Variants in TNFAIP8L2 observed in about 807,000 individuals in gnomAD.
TNFAIP8L2 encodes the protein tumor necrosis factor alpha-induced protein 8-like protein 2.
In TNFAIP8L2, 2 loss-of-function variants were observed where a neutral mutation model predicts 5.6. That is an observed-to-expected ratio of 0.36 (90% CI 0.15 to 1.13). TNFAIP8L2 has a LOEUF of 1.13. TNFAIP8L2 is among the 50% of genes most tolerant of loss of function. TNFAIP8L2 has a pLI of 0.40. For synonymous variants in TNFAIP8L2, 91 were observed against 101.1 expected, an observed-to-expected ratio of 0.90 and a Z score of 0.60; for missense variants, 216 against 241.8, an observed-to-expected ratio of 0.89 and a Z score of 0.71.
At chr1:151,157,204 G>A (rs587623542) in intron 1 of TNFAIP8L2, among the ~76,000 whole-genome samples, 1 of 152,276 alleles carries the variant, frequency 6.6e-6, no homozygotes, top group Admixed American at 6.5e-5. Flanking sequence ...TTCCGGCTGG[G>A]GAGCATGGTC....
chr1:151,159,133 G>T lies in TNFAIP8L2; in HGVS notation c.436G>T (p.Val146Leu), dbSNP rs182411769. 6 of 1,614,184 alleles carry T rather than the reference G, an allele frequency of 3.7e-6. No individual in the cohort carries two copies. In the East Asian group the frequency reaches 1.3e-4, roughly 36 times the overall value. ...CAAGTCACATGGCCGCATCCGCCACGTGTTTGATCACTTCTCTGACCCAGG... is the reference window on the plus strand; with the variant it reads ...CAAGTCACATGGCCGCATCCGCCACTTGTTTGATCACTTCTCTGACCCAGG... ...TPKSHGRIRH[V>L]FDHFSDPGLL... Residue 146 changes from valine (V) to leucine (L), a missense_variant, in exon 2 of 2, where the codon GTG (valine) becomes TTG (leucine). Coordinates refer to ENST00000368910, the MANE Select transcript of TNFAIP8L2 (RefSeq NM_024575.5).
rs994690236 is a variant in TNFAIP8L2 at position 151,158,772 on chromosome 1, T to C, written c.75T>C (p.Ser25=). The C allele has an allele frequency of 6.2e-7, 1 of 1,614,058 alleles. No individual in the cohort carries two copies. Among genetic ancestry groups the C allele is most frequent in the Non-Finnish European group, 8.5e-7 (1 of 1,179,970 alleles). Residue 25 remains serine, a synonymous_variant, in exon 2 of 2, where the codon TCT becomes TCC. Transcript: ENST00000368910. ...KKLLSKMAGR[S]VAHLFIDETS... ...TACTGAGTAAGATGGCGGGTCGCTCTGTGGCTCATCTCTTCATAGATGAGA... is the reference window on the plus strand; with the variant it reads ...TACTGAGTAAGATGGCGGGTCGCTCCGTGGCTCATCTCTTCATAGATGAGA...
At position 151,159,144 on chromosome 1, in the gene TNFAIP8L2, C is replaced by T; in HGVS notation, c.447C>T (p.His149=). 6.2e-7 allele frequency: 1 copy of T among 1,614,228 alleles called. No individual in the cohort carries two copies. The highest frequency in any genetic ancestry group is 8.5e-7 in the Non-Finnish European group (1 of 1,180,042). The change falls in exon 2 of 2, where the codon CAC becomes CAT. Residue 149 remains histidine (H), a synonymous_variant. Transcript: ENST00000368910. ...SHGRIRHVFD[H]FSDPGLLTAL... ...GCCGCATCCGCCACGTGTTTGATCA[C>T]TTCTCTGACCCAGGTCTGCTCACGG...
Position 151,158,762 on chromosome 1 carries a change from C to G in TNFAIP8L2, c.65C>G (p.Ala22Gly). The G allele has an allele frequency of 6.2e-7, 1 of 1,613,614 alleles. No individual in the cohort carries two copies. Among genetic ancestry groups the G allele is most frequent in the Admixed American group, 1.7e-5 (1 of 59,950 alleles). The change falls in exon 2 of 2, where the codon GCG becomes GGG. Residue 22 changes from alanine to glycine, a missense_variant. Coordinates refer to ENST00000368910, the MANE Select transcript of TNFAIP8L2 (RefSeq NM_024575.5). ...GAGAAGAAGCTACTGAGTAAGATGG[C>G]GGGTCGCTCTGTGGCTCATCTCTTC... ...QAEKKLLSKM[A>G]GRSVAHLFID...
intron 1 of TNFAIP8L2, among the ~76,000 whole-genome samples, chr1:151,158,459 G>A (rs1052023405): frequency 3.9e-5 from 6 of 151,920 alleles, no homozygotes; most frequent in African/African-American, 9.7e-5. Context: ...CGGGGCTATC[G>A]CCACTCCCGT....
rs1248216951 is a variant in TNFAIP8L2 at position 151,156,717 on chromosome 1, CA to C, written c.-37del. ...TCCAAGGCAAGACTGGCACCCAGCA[CA>C]GCAGGTGAGGGACCGGCAGTGACAG... On this transcript the variant is annotated 5_prime_UTR_variant, in exon 1 of 2. Transcript: ENST00000368910. 3 of 152,270 alleles carry C rather than the reference CA, an allele frequency of 2.0e-5. No homozygotes were observed. Among genetic ancestry groups the C allele is most frequent in the Admixed American group, 2.0e-4 (3 of 15,280 alleles). The allele number at this position is 152,270 out of a possible 1,614,324, so 9.4% of individuals were successfully genotyped here.
intron 1 of TNFAIP8L2, among the ~76,000 whole-genome samples, chr1:151,158,268 AAC>A (rs1683295618): frequency 6.6e-6 from 1 of 151,782 alleles, no homozygotes; most frequent in Admixed American, 6.6e-5. Context: ...GGTTGCAGTG[AAC>A]AGAGATCACA....
rs142224661 is a variant in TNFAIP8L2 at position 151,159,237 on chromosome 1, C to T, written c.540C>T (p.Asp180=). The change falls in exon 2 of 2, where the codon GAC becomes GAT. Residue 180 remains aspartate, a synonymous_variant. Coordinates refer to ENST00000368910, the MANE Select transcript of TNFAIP8L2 (RefSeq NM_024575.5). ...KICDGLRKLL[D]EGKL ...GTGACGGACTCAGGAAGCTGCTAGA[C>T]GAAGGGAAGCTCTGAGAGCCCTGAG... is the stretch of plus-strand genomic sequence containing the variant. 559 of 1,611,834 alleles carry T rather than the reference C, an allele frequency of 3.5e-4. No homozygotes were observed. Among genetic ancestry groups the T allele is most frequent in the Non-Finnish European group, 4.2e-4 (500 of 1,178,340 alleles).
chr1:151,158,691 A>G lies in TNFAIP8L2; in HGVS notation c.-7A>G, dbSNP rs1683316725. The stretch of plus-strand genomic sequence containing the variant: ...TGACTGACCACATACCCCACTCTCC[A>G]GGACCCATGGAGTCCTTCAGCTCAA... On this transcript the variant is annotated 5_prime_UTR_variant, in exon 2 of 2. Transcript: ENST00000368910. The G allele has an allele frequency of 6.3e-7, 1 of 1,588,674 alleles. No individual in the cohort carries two copies.
chr1:151,157,088 G>C (rs1207465085), intron 1 of TNFAIP8L2, among the ~76,000 whole-genome samples: 1 of 152,176 alleles, frequency 6.6e-6, no homozygotes, highest in Non-Finnish European at 1.5e-5. Context: ...AACAGGGAGA[G>C]AGGGAGAAGA....
chr1:151,159,091 G>A lies in TNFAIP8L2; in HGVS notation c.394G>A (p.Glu132Lys), dbSNP rs1380251616. ...ECRDVLLELV[E>K]HHLTPKSHGR... ...CCGGGATGTGCTGCTAGAGTTGGTG[G>A]AACACCACCTCACGCCCAAGTCACA... is the stretch of plus-strand genomic sequence containing the variant. The change falls in exon 2 of 2, where the codon GAA becomes AAA. Residue 132 changes from glutamate (E) to lysine (K), a missense_variant. By Grantham distance (56) the Glu-to-Lys change is moderately conservative (BLOSUM62 1). Coordinates refer to ENST00000368910, the MANE Select transcript of TNFAIP8L2 (RefSeq NM_024575.5). 1.2e-6 allele frequency: 2 copies of A among 1,614,148 alleles called. No individual in the cohort carries two copies.
rs759724200 is a variant in TNFAIP8L2 at position 151,158,992 on chromosome 1, A to G, written c.295A>G (p.Met99Val). ...RFRQKLRQGA[M>V]TALSFGEVDF... ...TCGCCAGAAGCTGCGGCAGGGTGCC[A>G]TGACGGCACTTAGCTTTGGTGAGGT... The change falls in exon 2 of 2, where the codon ATG becomes GTG. Residue 99 changes from methionine (M) to valine (V), a missense_variant. Coordinates refer to ENST00000368910, the MANE Select transcript of TNFAIP8L2 (RefSeq NM_024575.5). 1.2e-5 allele frequency: 20 copies of G among 1,614,140 alleles called. No individual in the cohort carries two copies. Among genetic ancestry groups the G allele is most frequent in the Non-Finnish European group, 1.6e-5 (19 of 1,180,054 alleles).
Position 151,158,718 on chromosome 1 carries a change from G to A in TNFAIP8L2, c.21G>A (p.Lys7=), listed in dbSNP as rs1683317729. MESFSS[K]SLALQAEKKL... ...GACCCATGGAGTCCTTCAGCTCAAA[G>A]AGCCTGGCACTGCAAGCAGAGAAGA... The change falls in exon 2 of 2, where the codon AAG becomes AAA. Residue 7 remains lysine, a synonymous_variant. Coordinates refer to ENST00000368910, the MANE Select transcript of TNFAIP8L2 (RefSeq NM_024575.5). The A allele has an allele frequency of 1.2e-6, 2 of 1,606,530 alleles. No homozygotes were observed. The highest frequency in any genetic ancestry group is 1.7e-6 in the Non-Finnish European group (2 of 1,175,338).
chr1:151,158,426 C>T (rs587775772), intron 1 of TNFAIP8L2, among the ~76,000 whole-genome samples: 1 of 152,174 alleles, frequency 6.6e-6, no homozygotes, highest in South Asian at 2.1e-4. Flanking sequence ...GGCTAGCCTC[C>T]CGTGTGCCCA....
At chr1:151,158,012 T>A (rs1683283538) in intron 1 of TNFAIP8L2, among the ~76,000 whole-genome samples, 1 of 152,168 alleles carries the variant, frequency 6.6e-6, no homozygotes, top group African/African-American at 2.4e-5. Context: ...AGAGTCAGTG[T>A]CCAAAAATGG....
At position 151,158,908 on chromosome 1, in the gene TNFAIP8L2, G is replaced by T. The variant is rs906484247; in HGVS notation, c.211G>T (p.Ala71Ser). 1.4e-5 allele frequency: 22 copies of T among 1,614,224 alleles called. 1 individual carries two copies. The South Asian group carries it at 2.4e-4, about 18-fold the overall frequency. ...KDLIKVAIKV[A>S]VLHRNGSFGP... is the part of the protein sequence containing the mutation. ...CCTGATCAAAGTGGCCATCAAGGTG[G>T]CTGTGCTGCACCGCAATGGCTCCTT... The change falls in exon 2 of 2, where the codon GCT becomes TCT. Residue 71 changes from alanine to serine, a missense_variant. Transcript: ENST00000368910.
intron 1 of TNFAIP8L2, among the ~76,000 whole-genome samples, chr1:151,157,433 A>T (rs1683262782): frequency 6.6e-6 from 1 of 152,210 alleles, no homozygotes; most frequent in Non-Finnish European, 1.5e-5. Context: ...CAGAAGAACC[A>T]CAGGCGAAGA....
rs1683332596 is a variant in TNFAIP8L2 at position 151,158,938 on chromosome 1, C to G, written c.241C>G (p.Pro81Ala). ...AVLHRNGSFG[P>A]SELALATRFR... ...GCTGCACCGCAATGGCTCCTTTGGCCCCAGTGAGCTGGCCCTGGCTACCCG... is the reference window on the plus strand; with the variant it reads ...GCTGCACCGCAATGGCTCCTTTGGCGCCAGTGAGCTGGCCCTGGCTACCCG... The change falls in exon 2 of 2, where the codon CCC becomes GCC. Residue 81 changes from proline to alanine, a missense_variant. Coordinates refer to ENST00000368910, the MANE Select transcript of TNFAIP8L2 (RefSeq NM_024575.5). The G allele has an allele frequency of 6.2e-7, 1 of 1,614,124 alleles. No homozygotes were observed. The highest frequency in any genetic ancestry group is 1.1e-5 in the South Asian group (1 of 91,092).
intron 1 of TNFAIP8L2, among the ~76,000 whole-genome samples, chr1:151,158,295 C>T (rs1218432114): frequency 6.6e-6 from 1 of 151,174 alleles, no homozygotes; most frequent in South Asian, 2.1e-4. Flanking sequence ...TGCACTCCAG[C>T]CTGGGTGACA....
Sources: gnomAD v4.1 joint callset for allele counts (sites outside exome capture counted in the v4.1 genomes callset) on GRCh38, gnomAD v4.1.1 for gene constraint, MANE v1.5 for transcripts, NCBI Gene and HGNC (gene_info 2026-07-23, HGNC 2026-07-21) for gene names.